The following EML6 variants were observed in gnomAD, a reference collection of about 807,000 sequenced individuals.
EML6 encodes the protein EMAP like 6, also known as echinoderm microtubule-associated protein-like 6.
In EML6, 154 loss-of-function variants were observed where a neutral mutation model predicts 240.1. The observed-to-expected ratio is 0.64, with a 90% confidence interval of 0.56 to 0.73. The LOEUF is 0.73. Among genes scored for constraint, EML6 ranks in the 30% least tolerant of loss-of-function variants. The pLI, the probability that EML6 is intolerant of heterozygous loss-of-function variation, is 0.00. For synonymous variants in EML6, 1,148 were observed against 899.0 expected (o/e 1.28, Z -4.95); for missense variants, 2,964 against 2,474.6 (o/e 1.20, Z -4.20).
intron 2 of EML6, among the ~76,000 whole-genome samples, chr2:54,804,124 C>G (rs552942585): frequency 2.0e-5 from 3 of 152,296 alleles, no homozygotes; most frequent in African/African-American, 7.2e-5. Flanking sequence ...GTAGAATGCT[C>G]CAGGAGCAGT....
intron 29 of EML6, among the ~76,000 whole-genome samples, chr2:54,950,152 A>C (rs992850837): frequency 1.1e-5 from 1 of 88,050 alleles, no homozygotes; most frequent in Non-Finnish European, 1.8e-5. Flanking sequence ...TTTTTGGGGG[A>C]AAAAAATGGC....
chr2:54,949,182 G>A (rs1316964869), intron 29 of EML6, among the ~76,000 whole-genome samples: 5 of 152,084 alleles, frequency 3.3e-5, no homozygotes, highest in Admixed American at 6.6e-5. Context: ...CCTGTCACCA[G>A]GTCCTTTCAG....
Position 54,958,467 on chromosome 2 carries a change from C to T in EML6, c.4695+469C>T, listed in dbSNP as rs191090202. On this transcript the variant is annotated intron_variant, in intron 33 of 41. Transcript: ENST00000356458. Reference sequence around the variant, plus strand: ...TCAGCCTCCCAAAGTACTAGGATTACAGGTGTGAGCCACCTCGCCTGGCCA... The same window carrying T: ...TCAGCCTCCCAAAGTACTAGGATTATAGGTGTGAGCCACCTCGCCTGGCCA... Among the ~76,000 whole-genome samples, 8 of 152,052 alleles carry T rather than the reference C, an allele frequency of 5.3e-5. No individual in the cohort carries two copies. The East Asian group carries it at 1.5e-3, about 29-fold the overall frequency.
intron 2 of EML6, among the ~76,000 whole-genome samples, chr2:54,801,204 C>T (rs543151249): frequency 6.6e-6 from 1 of 151,828 alleles, no homozygotes; most frequent in East Asian, 1.9e-4. Flanking sequence ...CCTGTAGTCC[C>T]AGATCCTCGG....
In EML6 at chr2:54,950,764, C is replaced by G. The variant is rs1317163797; in HGVS notation, c.4198C>G (p.Gln1400Glu). The G allele has an allele frequency of 1.9e-6, 3 of 1,551,356 alleles. No homozygotes were observed. The highest frequency in any genetic ancestry group is 1.7e-6 in the Non-Finnish European group (2 of 1,146,934). Residue 1400 changes from glutamine (Q) to glutamate (E), a missense_variant, in exon 30 of 42, where the codon CAG becomes GAG. Gln to Glu is a conservative substitution (Grantham distance 29, BLOSUM62 2). Transcript: ENST00000356458. Reference protein sequence around the residue: ...IFHTAAAGIVQNLSTGSQSFY... With the variant: ...IFHTAAAGIVENLSTGSQSFY... ...CCACACAGCAGCGGCTGGCATCGTT[C>G]AGAACCTCTCCACAGGTAACCGGGG... is the stretch of plus-strand genomic sequence containing the variant.
At chr2:54,847,741 A>ACCGTAG in intron 9 of EML6, 118 bp downstream of exon 9, 1 of 1,036,730 alleles carries the variant, frequency 9.6e-7, no homozygotes, top group Non-Finnish European at 1.4e-6. Context: ...TTCAAATAGG[A>ACCGTAG]ATACTATAGA....
chr2:54,943,649 G>C (rs1675541397), intron 28 of EML6, among the ~76,000 whole-genome samples: 1 of 152,070 alleles, frequency 6.6e-6, no homozygotes, highest in East Asian at 1.9e-4. Flanking sequence ...CTTACTAAGA[G>C]AACTTGTTTC....
chr2:54,854,620 T>G (rs1670272786), intron 11 of EML6, among the ~76,000 whole-genome samples: 1 of 152,218 alleles, frequency 6.6e-6, no homozygotes, highest in South Asian at 2.1e-4. Flanking sequence ...TGAACAATTT[T>G]TAGACTAAGC....
intron 17 of EML6, among the ~76,000 whole-genome samples, chr2:54,885,869 C>A (rs1672102586): frequency 6.6e-6 from 1 of 152,096 alleles, no homozygotes; most frequent in Admixed American, 6.5e-5. Flanking sequence ...CCTCGGCCTC[C>A]CAAAGTGCTG....
chr2:54,818,911 A>T, intron 4 of EML6, among the ~76,000 whole-genome samples: 1 of 152,328 alleles, frequency 6.6e-6, no homozygotes, highest in Non-Finnish European at 1.5e-5. Context: ...TATCCTCAAG[A>T]TTATTTTAGT....
At chr2:54,860,949 GA>G (rs1487434873) in intron 12 of EML6, among the ~76,000 whole-genome samples, 1 of 152,174 alleles carries the variant, frequency 6.6e-6, no homozygotes, top group Non-Finnish European at 1.5e-5. Flanking sequence ...CTATATCACA[GA>G]ACAGAGATGT....
chr2:54,890,961 A>G (rs1458138202), intron 17 of EML6, 93 bp from the exon 18 acceptor site: 1 of 559,866 alleles, frequency 1.8e-6, no homozygotes, highest in Non-Finnish European at 3.1e-6. Flanking sequence ...GTCCTGTTAG[A>G]TGTGCTTAAA....
chr2:54,915,591 C>T (rs940147135), intron 25 of EML6, among the ~76,000 whole-genome samples: 2 of 152,048 alleles, frequency 1.3e-5, no homozygotes, highest in Admixed American at 1.3e-4. Flanking sequence ...TTTTTGTTTC[C>T]ACCTCTGTGT....
chr2:54,871,586 G>A lies in EML6; in HGVS notation c.2325G>A (p.Val775=). The A allele has an allele frequency of 6.4e-7, 1 of 1,551,462 alleles. No individual in the cohort carries two copies. Among genetic ancestry groups the A allele is most frequent in the South Asian group, 1.2e-5 (1 of 84,060 alleles). ...SLLKGQHQRG[V]CALDFSADGK... is the part of the protein sequence containing the mutation. ...TGAAAGGACAACATCAGAGAGGAGT[G>A]TGTGCACTTGATTTTTCAGGTAAGG... Residue 775 remains valine, a synonymous_variant, in exon 16 of 42, where the codon GTG becomes GTA. Coordinates refer to ENST00000356458, the MANE Select transcript of EML6 (RefSeq NM_001039753.4).
chr2:54,822,944 G>A (rs1315148438), intron 5 of EML6, among the ~76,000 whole-genome samples: 1 of 152,080 alleles, frequency 6.6e-6, no homozygotes, highest in African/African-American at 2.4e-5. Flanking sequence ...CCTGTACCAA[G>A]CCCTGATGTG....
At chr2:54,899,917 A>T in intron 22 of EML6, 135 bp downstream of exon 22, 2 of 873,420 alleles carry the variant, frequency 2.3e-6, no homozygotes, top group Non-Finnish European at 3.4e-6. Flanking sequence ...AGAATTTTAT[A>T]TTGGTTGCTA....
At position 54,925,360 on chromosome 2, in the gene EML6, G is replaced by A. The variant is rs187452101; in HGVS notation, c.3676-2953G>A. Among the ~76,000 whole-genome samples, 217 of 152,258 alleles carry A rather than the reference G, an allele frequency of 1.4e-3. 1 individual carries two copies. The highest frequency in any genetic ancestry group is 5.0e-3 in the African/African-American group (206 of 41,542). The stretch of plus-strand genomic sequence containing the variant: ...TTAGCTACCCAGCCTAGGGCATTTT[G>A]TTATGGCAACCCAAGCAGACTAATG... On this transcript the variant is annotated intron_variant, in intron 26 of 41. Transcript: ENST00000356458.
At chr2:54,915,754 A>G (rs758319221) in intron 25 of EML6, among the ~76,000 whole-genome samples, 7 of 152,126 alleles carry the variant, frequency 4.6e-5, no homozygotes, top group Non-Finnish European at 1.0e-4. Flanking sequence ...TAGGCAGGGT[A>G]CATTAGCAGC....
At chr2:54,805,149 C>A (rs1670402266) in intron 2 of EML6, among the ~76,000 whole-genome samples, 2 of 152,238 alleles carry the variant, frequency 1.3e-5, no homozygotes, top group South Asian at 4.1e-4. Context: ...GTCACTAGTT[C>A]CATTTCTGTT....
Sources: allele counts gnomAD v4.1 joint callset (sites outside exome capture counted in the v4.1 genomes callset), GRCh38; gene constraint gnomAD v4.1.1; transcripts MANE v1.5; gene names NCBI Gene and HGNC (gene_info 2026-07-23, HGNC 2026-07-21).